Variants in SPINDOC observed in about 807,000 individuals in gnomAD.
SPINDOC encodes the protein spindlin interactor and repressor of chromatin binding, also known as spindlin interactor and repressor of chromatin-binding protein.
Under a neutral mutation model 30.7 loss-of-function variants are expected in SPINDOC, and 13 were observed. The ratio of observed to expected loss-of-function variants is 0.42; its 90% CI spans 0.28 to 0.67. The LOEUF (loss-of-function observed/expected upper bound fraction) is 0.67, where lower values mean the gene tolerates loss of function less well. Among genes scored for constraint, SPINDOC ranks in the 30% least tolerant of loss-of-function variants. The probability of loss-of-function intolerance (pLI) is 0.22; values close to 1 mark genes in which losing one functional copy is unlikely to be tolerated. For synonymous variants in SPINDOC, 228 were observed against 211.4 expected (o/e 1.08, Z -0.68); for missense variants, 438 against 518.0 (o/e 0.85, Z 1.50).
At chr11:63,820,630 G>A (rs968284207) in intron 5 of SPINDOC, among the ~76,000 whole-genome samples, 3 of 151,846 alleles carry the variant, frequency 2.0e-5, no homozygotes, top group East Asian at 3.9e-4. Flanking sequence ...GGTGGCTCAC[G>A]CCTGTAATCC....
chr11:63,818,517 C>G lies in SPINDOC; in HGVS notation c.608-10C>G. ...TCTTTAAAAGGGTATGAGGTCTTTT[C>G]TTTTTGCAGCTGTCCCTGCCACAGA... On this transcript the variant is annotated splice_polypyrimidine_tract_variant and intron_variant, in intron 3 of 5. Transcript: ENST00000294244. The surrounding 1 kb of genome is among the most constrained non-coding windows in gnomAD (Gnocchi z 5.3). 6.2e-7 allele frequency: 1 copy of G among 1,610,574 alleles called. No homozygotes were observed. Among genetic ancestry groups the G allele is most frequent in the Non-Finnish European group, 8.5e-7 (1 of 1,179,764 alleles).
At position 63,827,061 on chromosome 11, in the gene SPINDOC, C is replaced by T. The variant is rs1002076471; in HGVS notation, c.1068C>T (p.Asp356=). 1.9e-6 allele frequency: 3 copies of T among 1,614,040 alleles called. No homozygotes were observed. In the African/African-American group the frequency reaches 4.0e-5, roughly 22 times the overall value. Residue 356 remains aspartate (D), a synonymous_variant, in exon 6 of 6, where the codon GAC becomes GAT. Coordinates refer to ENST00000294244, the MANE Select transcript of SPINDOC (RefSeq NM_138471.3). ...PQGTKRVGAG[D]TSDWPTVLSE... ...GCACCAAGCGTGTGGGAGCAGGTGA[C>T]ACCTCAGACTGGCCCACAGTTCTGT...
intron 1 of SPINDOC, among the ~76,000 whole-genome samples, chr11:63,817,225 A>C (rs2015365247): frequency 6.6e-6 from 1 of 151,894 alleles, no homozygotes; most frequent in African/African-American, 2.4e-5. Flanking sequence ...GCTCACCTGT[A>C]GTCCCAGGTG....
At chr11:63,821,230 T>C (rs2015512759) in intron 5 of SPINDOC, among the ~76,000 whole-genome samples, 1 of 152,168 alleles carries the variant, frequency 6.6e-6, no homozygotes, top group Non-Finnish European at 1.5e-5. Flanking sequence ...TTTCTTGGCT[T>C]GTGGCCTCCT....
At chr11:63,824,161 C>T (rs1281394301) in intron 5 of SPINDOC, among the ~76,000 whole-genome samples, 3 of 152,254 alleles carry the variant, frequency 2.0e-5, no homozygotes, top group South Asian at 4.1e-4. Flanking sequence ...CCGCCCACCT[C>T]GGCCTCCCAA....
intron 5 of SPINDOC, among the ~76,000 whole-genome samples, chr11:63,820,905 A>AAAAAAAAAAAC (rs1345561155): frequency 1.2e-4 from 18 of 148,804 alleles, no homozygotes; most frequent in Non-Finnish European, 2.5e-4. Context: ...AAAAAAAAAA[A>AAAAAAAAAAAC]AACAACACAC....
At position 63,813,541 on chromosome 11, in the gene SPINDOC, C is replaced by CGGCG. The variant is rs1044648950; in HGVS notation, c.-136_-133dup. 9.3e-5 allele frequency: 58 copies of CGGCG among 624,148 alleles called. No individual in the cohort carries two copies. The highest frequency in any genetic ancestry group is 2.4e-4 in the African/African-American group (12 of 49,208). The allele number at this position is 624,148 out of a possible 1,614,324, so 38.7% of individuals were successfully genotyped here. On this transcript the variant is annotated 5_prime_UTR_variant, in exon 1 of 6. Coordinates refer to ENST00000294244, the MANE Select transcript of SPINDOC (RefSeq NM_138471.3). Reference sequence around the variant, plus strand: ...GCCGGTCGCAGGCCCGGCCGGCGAGCGGCGGGCGGGCGGCGGGGAGGGGGC... The same window carrying CGGCG: ...GCCGGTCGCAGGCCCGGCCGGCGAGCGGCGGGCGGGCGGGCGGCGGGGAGGGGGC...
At chr11:63,816,102 C>A (rs1056995385) in intron 1 of SPINDOC, among the ~76,000 whole-genome samples, 1 of 152,096 alleles carries the variant, frequency 6.6e-6, no homozygotes, top group Non-Finnish European at 1.5e-5. Flanking sequence ...AGGAGACAGG[C>A]AGTGAACATC....
At position 63,827,250 on chromosome 11, in the gene SPINDOC, A is replaced by G; in HGVS notation, c.*111A>G. ...GGTGGAGAGAGTAGAAACAGGTGCC[A>G]GGGCAGGAGGGGGCTGGGGCAGCAT... On this transcript the variant is annotated 3_prime_UTR_variant, in exon 6 of 6. Transcript: ENST00000294244. The G allele has an allele frequency of 6.7e-7, 1 of 1,488,842 alleles. No individual in the cohort carries two copies. The highest frequency in any genetic ancestry group is 9.0e-7 in the Non-Finnish European group (1 of 1,111,360). The allele number at this position is 1,488,842 out of a possible 1,614,324, so 92.2% of individuals were successfully genotyped here.
In SPINDOC at chr11:63,822,537, CT is replaced by C; in HGVS notation, c.934+3539del. 3.5e-6 allele frequency: 4 copies of C among 1,146,886 alleles called. No individual in the cohort carries two copies. The South Asian group carries it at 5.1e-5, about 15-fold the overall frequency. The allele number at this position is 1,146,886 out of a possible 1,614,324, so 71.0% of individuals were successfully genotyped here. On this transcript the variant is annotated intron_variant, in intron 5 of 5. Transcript: ENST00000294244. ...GTGTGTTTGCGTGTGTGTGTAGTTG[CT>C]TTTGTTTATTTGCCTAAATTTGAGC...
chr11:63,815,578 G>C (rs917728653), intron 1 of SPINDOC, among the ~76,000 whole-genome samples: 1 of 152,170 alleles, frequency 6.6e-6, no homozygotes, highest in African/African-American at 2.4e-5. Context: ...ATTGCCAGCA[G>C]GCAGACAGTG....
At chr11:63,826,316 C>T (rs1302491899) in intron 5 of SPINDOC, among the ~76,000 whole-genome samples, 1 of 152,168 alleles carries the variant, frequency 6.6e-6, no homozygotes, top group Non-Finnish European at 1.5e-5. Context: ...AGTCCTCAGT[C>T]CTCTTTCCTC....
At chr11:63,825,081 C>T (rs957821949) in intron 5 of SPINDOC, among the ~76,000 whole-genome samples, 3 of 152,216 alleles carry the variant, frequency 2.0e-5, no homozygotes, top group Non-Finnish European at 4.4e-5. Flanking sequence ...GAGCTTTGCC[C>T]GCTATGCTCT....
At position 63,818,417 on chromosome 11, in the gene SPINDOC, C is replaced by T. The variant is rs762524658; in HGVS notation, c.607+52C>T. 2.5e-6 allele frequency: 4 copies of T among 1,608,730 alleles called. No homozygotes were observed. The highest frequency in any genetic ancestry group is 3.4e-6 in the Non-Finnish European group (4 of 1,177,806). ...CCCGGTGGAGGTGGGGGTTTGGGGA[C>T]AGGGTGAAATACAGGCCCTGTGTTC... On this transcript the variant is annotated intron_variant, in intron 3 of 5. Coordinates refer to ENST00000294244, the MANE Select transcript of SPINDOC (RefSeq NM_138471.3). The surrounding 1 kb of genome is among the most constrained non-coding windows in gnomAD (Gnocchi z 5.3).
chr11:63,813,984 A>G (rs1488783162), intron 1 of SPINDOC, among the ~76,000 whole-genome samples, 171 bp downstream of exon 1: 1 of 151,742 alleles, frequency 6.6e-6, no homozygotes, highest in Non-Finnish European at 1.5e-5. Flanking sequence ...CTCCCCCACC[A>G]TGGTTTAGAA....
At chr11:63,823,124 T>C (rs1290364932) in intron 5 of SPINDOC, 2 of 1,287,958 alleles carry the variant, frequency 1.6e-6, no homozygotes, top group African/African-American at 3.0e-5. Context: ...CCCCCAAAAT[T>C]CTGTGTCCAG....
Position 63,813,459 on chromosome 11 carries a change from T to G in SPINDOC, c.-228T>G. On this transcript the variant is annotated 5_prime_UTR_variant, in exon 1 of 6. Coordinates refer to ENST00000294244, the MANE Select transcript of SPINDOC (RefSeq NM_138471.3). ...AGCGGCGGGGGGCAGGGGCCCCGGA[T>G]TGAGCCCTCCCCGCCCGGGCTCCCG... The G allele has an allele frequency of 6.3e-6, 1 of 159,904 alleles. No individual in the cohort carries two copies. The highest frequency in any genetic ancestry group is 1.3e-5 in the Non-Finnish European group (1 of 77,280). 9.9% of individuals were successfully genotyped at this position (159,904 alleles called of 1,614,324 possible). A position where few individuals can be genotyped will look rare whatever the true frequency, so the allele number is the denominator to read the frequency against.
chr11:63,817,937 G>A lies in SPINDOC; in HGVS notation c.260G>A (p.Gly87Glu). 1 of 1,614,120 alleles carries A rather than the reference G, an allele frequency of 6.2e-7. No individual in the cohort carries two copies. The highest frequency in any genetic ancestry group is 8.5e-7 in the Non-Finnish European group (1 of 1,180,016). The change falls in exon 2 of 6, where the codon GGG becomes GAG. Residue 87 changes from glycine to glutamate, a missense_variant. Gly to Glu is a moderately conservative substitution (Grantham distance 98). This residue lies in a region of SPINDOC where 129 missense variants were observed against 152.7 expected (regional missense o/e 0.84). Coordinates refer to ENST00000294244, the MANE Select transcript of SPINDOC (RefSeq NM_138471.3). ...GTGGGCAGCAGCCCAGGAGGCAGCGGGCGGGCACTGTGCATGGTGTGTGGC... is the reference window on the plus strand; with the variant it reads ...GTGGGCAGCAGCCCAGGAGGCAGCGAGCGGGCACTGTGCATGGTGTGTGGC... ...FLVGSSPGGSGRALCMVCGAE... is the reference protein window; with the variant it reads ...FLVGSSPGGSERALCMVCGAE...
At chr11:63,820,906 A>C (rs1246940504) in intron 5 of SPINDOC, among the ~76,000 whole-genome samples, 1 of 147,754 alleles carries the variant, frequency 6.8e-6, no homozygotes, top group African/African-American at 2.5e-5. Context: ...AAAAAAAAAA[A>C]ACAACACACA....
Sources: allele counts gnomAD v4.1 joint callset (sites outside exome capture counted in the v4.1 genomes callset), GRCh38; gene constraint gnomAD v4.1.1; regional missense constraint gnomAD v4.1.1; non-coding constraint Gnocchi (gnomAD v3.1); transcripts MANE v1.5; gene names NCBI Gene and HGNC (gene_info 2026-07-23, HGNC 2026-07-21).